CACNA2D3: variants seen among roughly 807,000 people sequenced by gnomAD.
CACNA2D3 encodes voltage-dependent calcium channel subunit alpha-2/delta-3.
A neutral mutation model predicts 160.6 loss-of-function variants in CACNA2D3; 60 were observed. That is an observed-to-expected ratio of 0.37 (90% CI 0.30 to 0.46). CACNA2D3 has a LOEUF of 0.46. Among genes scored for constraint, CACNA2D3 ranks in the 20% least tolerant of loss-of-function variants. The pLI, the probability that CACNA2D3 is intolerant of heterozygous loss-of-function variation, is 1.00. For missense variants in CACNA2D3, 1,205 were observed against 1,365.0 expected, an observed-to-expected ratio of 0.88 and a Z score of 1.85; for synonymous variants, 558 against 492.9, an observed-to-expected ratio of 1.13 and a Z score of -1.75.
At chr3:54,150,471 A>T (rs577979582) in intron 2 of CACNA2D3, among the ~76,000 whole-genome samples, 1 of 152,262 alleles carries the variant, frequency 6.6e-6, no homozygotes, top group South Asian at 2.1e-4. Context: ...AGGCCTGGAC[A>T]CCTCATTCCT....
intron 11 of CACNA2D3, among the ~76,000 whole-genome samples, chr3:54,679,608 AC>A (rs1476767892): frequency 6.6e-6 from 1 of 152,072 alleles, no homozygotes; most frequent in African/African-American, 2.4e-5. Context: ...TCACACTCTT[AC>A]TCATCCTTCA....
At chr3:54,669,530 T>C (rs1227816101) in intron 11 of CACNA2D3, among the ~76,000 whole-genome samples, 1 of 152,232 alleles carries the variant, frequency 6.6e-6, no homozygotes, top group African/African-American at 2.4e-5. Flanking sequence ...GAAAAAGAAT[T>C]GGTTGCAAAC....
chr3:54,261,270 G>A (rs2107439471), intron 2 of CACNA2D3, among the ~76,000 whole-genome samples: 1 of 152,186 alleles, frequency 6.6e-6, no homozygotes, highest in African/African-American at 2.4e-5. Context: ...AAAACCTTTA[G>A]GAACCGAGAA....
intron 11 of CACNA2D3, among the ~76,000 whole-genome samples, chr3:54,696,261 C>T (rs1391518037): frequency 1.3e-5 from 2 of 152,180 alleles, no homozygotes; most frequent in Non-Finnish European, 2.9e-5. Context: ...TCCCTGCAGC[C>T]TTCACGTTTC....
At position 54,781,250 on chromosome 3, in the gene CACNA2D3, T is replaced by C. The variant is rs1363776524; in HGVS notation, c.1380+16899T>C. Among the ~76,000 whole-genome samples the C allele has an allele frequency of 3.9e-5, 6 of 152,240 alleles. No individual in the cohort carries two copies. In the East Asian group the frequency reaches 9.6e-4, roughly 24 times the overall value. ...ATACATTCACAGAGGCCCTTTGCTA[T>C]ATTAGCAGAGCCAGACATTTTTGTA... On this transcript the variant is annotated intron_variant, in intron 13 of 37. Transcript: ENST00000474759.
At chr3:54,470,859 G>A (rs1700717497) in intron 4 of CACNA2D3, among the ~76,000 whole-genome samples, 1 of 152,184 alleles carries the variant, frequency 6.6e-6, no homozygotes, top group African/African-American at 2.4e-5. Context: ...AACAAGAAGA[G>A]CTAAGTATCC....
chr3:54,592,481 C>T (rs1358583474), intron 9 of CACNA2D3, among the ~76,000 whole-genome samples: 1 of 151,970 alleles, frequency 6.6e-6, no homozygotes, highest in Non-Finnish European at 1.5e-5. Flanking sequence ...GAAAAAGAAA[C>T]CATGACAAAT....
At chr3:54,368,884 G>A (rs1698873213) in intron 3 of CACNA2D3, among the ~76,000 whole-genome samples, 1 of 151,334 alleles carries the variant, frequency 6.6e-6, no homozygotes, top group Non-Finnish European at 1.5e-5. Flanking sequence ...TGTATTTTTA[G>A]TGGAGACGGG....
chr3:54,753,572 T>C (rs1701909200), intron 12 of CACNA2D3, among the ~76,000 whole-genome samples: 1 of 152,210 alleles, frequency 6.6e-6, no homozygotes, highest in African/African-American at 2.4e-5. Flanking sequence ...GGATTATAAA[T>C]AGTGTTCATG....
chr3:54,406,350 A>G (rs1257001017), intron 4 of CACNA2D3, among the ~76,000 whole-genome samples: 2 of 152,120 alleles, frequency 1.3e-5, no homozygotes, highest in Non-Finnish European at 2.9e-5. Context: ...ATATATGTAT[A>G]TAGTGTGTAT....
In CACNA2D3 at chr3:55,074,121, C is replaced by T. The variant is rs1157316463; in HGVS notation, c.3191C>T (p.Ala1064Val). 6.2e-7 allele frequency: 1 copy of T among 1,613,280 alleles called. No homozygotes were observed. Among genetic ancestry groups the T allele is most frequent in the Non-Finnish European group, 8.5e-7 (1 of 1,179,268 alleles). ...SCHGFHPEEN[A>V]RECGGAPSLQ... ...CCCTGCCTTTCCCCATAGGAGAATGCAAGGGAGTGTGGGGGTGCGCCGAGT... is the reference window on the plus strand; with the variant it reads ...CCCTGCCTTTCCCCATAGGAGAATGTAAGGGAGTGTGGGGGTGCGCCGAGT... Residue 1064 changes from alanine to valine, a missense_variant, in exon 38 of 38, where the codon GCA becomes GTA. Around this residue, in one of 3 missense-constraint regions of CACNA2D3, gnomAD observed 911 missense variants for 1,002.2 expected, o/e 0.91. Transcript: ENST00000474759.
intron 4 of CACNA2D3, among the ~76,000 whole-genome samples, chr3:54,498,347 C>G (rs1018321659): frequency 1.3e-5 from 2 of 151,742 alleles, no homozygotes; most frequent in African/African-American, 2.4e-5. Context: ...GACATTTAAC[C>G]TAAGTTATTG....
intron 35 of CACNA2D3, among the ~76,000 whole-genome samples, chr3:55,022,235 T>G (rs1043681245): frequency 2.0e-5 from 3 of 152,108 alleles, no homozygotes; most frequent in East Asian, 1.9e-4. Flanking sequence ...TACATGAAAG[T>G]GCTTTATGCC....
At chr3:54,639,211 GA>G (rs1486603389) in intron 10 of CACNA2D3, 1 of 151,828 alleles carries the variant, frequency 6.6e-6, no homozygotes, top group Non-Finnish European at 1.5e-5. Context: ...AGAAGGGGTT[GA>G]GGGGTACTTG....
chr3:54,905,846 G>A (rs1379310070), intron 27 of CACNA2D3, among the ~76,000 whole-genome samples: 1 of 152,172 alleles, frequency 6.6e-6, no homozygotes, highest in Non-Finnish European at 1.5e-5. Context: ...TCAACTCAGT[G>A]CTTTCAAATT....
chr3:54,854,610 C>G (rs1410887709), intron 17 of CACNA2D3, among the ~76,000 whole-genome samples: 1 of 152,270 alleles, frequency 6.6e-6, no homozygotes. Flanking sequence ...AATCACAACA[C>G]TGCCCTCACC....
intron 2 of CACNA2D3, among the ~76,000 whole-genome samples, chr3:54,225,991 T>C (rs1026993941): frequency 6.6e-6 from 1 of 152,246 alleles, no homozygotes; most frequent in African/African-American, 2.4e-5. Context: ...TGGGTGTCAG[T>C]CTTTGTATGA....
At chr3:54,630,567 G>A (rs1432701679) in intron 10 of CACNA2D3, among the ~76,000 whole-genome samples, 2 of 152,168 alleles carry the variant, frequency 1.3e-5, no homozygotes, top group African/African-American at 4.8e-5. Flanking sequence ...CTTTAAAAAT[G>A]TGTTTAACCA....
Position 54,443,730 on chromosome 3 carries a change from C to T in CACNA2D3, c.381+56956C>T, listed in dbSNP as rs1251433392. 5.3e-5 allele frequency among the ~76,000 whole-genome samples: 8 copies of T among 152,290 alleles called. 1 individual carries two copies. Among genetic ancestry groups the T allele is most frequent in the South Asian group, 4.2e-4 (2 of 4,816 alleles). ...CTACATTGTGTTCAGCCTTCACATTCGTCTCTTGCCATGTCTTGTCTTGAA... is the reference window on the plus strand; with the variant it reads ...CTACATTGTGTTCAGCCTTCACATTTGTCTCTTGCCATGTCTTGTCTTGAA... On this transcript the variant is annotated intron_variant, in intron 4 of 37. Coordinates refer to ENST00000474759, the MANE Select transcript of CACNA2D3 (RefSeq NM_018398.3).
Sources: allele counts gnomAD v4.1 joint callset (sites outside exome capture counted in the v4.1 genomes callset), GRCh38; gene constraint gnomAD v4.1.1; regional missense constraint gnomAD v4.1.1; transcripts MANE v1.5; gene names NCBI Gene and HGNC (gene_info 2026-07-23, HGNC 2026-07-21).